The following AHR variants were observed in gnomAD, a reference collection of about 807,000 sequenced individuals.
AHR encodes the protein AH-receptor.
AHR carries 40 observed loss-of-function variants against 86.8 expected under a neutral mutation model. The observed-to-expected ratio is 0.46, with a 90% CI of 0.36 to 0.60. The LOEUF is 0.60. AHR is among the 20% of genes least tolerant of loss of function. AHR has a pLI of 0.00. For missense variants in AHR, 1,001 were observed against 1,011.6 expected, an observed-to-expected ratio of 0.99 and a Z score of 0.14; for synonymous variants, 398 against 354.9, an observed-to-expected ratio of 1.12 and a Z score of -1.37.
chr7:17,309,284 G>A (rs1007603039), intron 1 of AHR, among the ~76,000 whole-genome samples: 12 of 152,104 alleles, frequency 7.9e-5, no homozygotes, highest in African/African-American at 2.2e-4. Flanking sequence ...AAAAGTTGCT[G>A]GTAATCACCA....
At chr7:17,301,164 A>G (rs1781951672) in intron 1 of AHR, among the ~76,000 whole-genome samples, 1 of 152,060 alleles carries the variant, frequency 6.6e-6, no homozygotes, top group Non-Finnish European at 1.5e-5. Flanking sequence ...AGCACCGTAT[A>G]TTGCTTCTAA....
rs901457645 is a variant in AHR at position 17,298,655 on chromosome 7, G to A, written c.-610G>A. ...GGTGCGCGCGGCGGCGGGAGGCAGT[G>A]GCTGGGGAGTCCCGTCGACGCTCTG... On this transcript the variant is annotated 5_prime_UTR_variant, in exon 1 of 11. Transcript: ENST00000242057. 1.2e-4 allele frequency: 47 copies of A among 394,070 alleles called. No homozygotes were observed. Among genetic ancestry groups the A allele is most frequent in the Non-Finnish European group, 2.0e-4 (44 of 223,722 alleles). 24.4% of individuals were successfully genotyped at this position (394,070 alleles called of 1,614,324 possible).
chr7:17,315,066 A>T (rs1782101787), intron 2 of AHR, among the ~76,000 whole-genome samples: 1 of 152,048 alleles, frequency 6.6e-6, no homozygotes, highest in African/African-American at 2.4e-5. Flanking sequence ...ATTCATGATA[A>T]CTTTCATAGC....
At chr7:17,319,154 C>G (rs183437198) in intron 2 of AHR, among the ~76,000 whole-genome samples, 1 of 152,160 alleles carries the variant, frequency 6.6e-6, no homozygotes. Context: ...ACTCAGTTAC[C>G]TCCTTAGGGG....
At chr7:17,302,183 T>A (rs1172516006) in intron 1 of AHR, among the ~76,000 whole-genome samples, 1 of 151,908 alleles carries the variant, frequency 6.6e-6, no homozygotes, top group Non-Finnish European at 1.5e-5. Context: ...GCACTGAATG[T>A]TGGCAAATAA....
chr7:17,321,394 G>A (rs1319061709), intron 2 of AHR, among the ~76,000 whole-genome samples: 2 of 151,706 alleles, frequency 1.3e-5, no homozygotes, highest in African/African-American at 4.8e-5. Flanking sequence ...CACATATTAG[G>A]AGACAGGCTC....
chr7:17,326,052 A>G (rs2115361561), intron 3 of AHR, among the ~76,000 whole-genome samples: 1 of 152,254 alleles, frequency 6.6e-6, no homozygotes. Flanking sequence ...TTGGAGCCAG[A>G]CTGAATTTAT....
At chr7:17,300,712 TA>T (rs1781946721) in intron 1 of AHR, among the ~76,000 whole-genome samples, 1 of 152,178 alleles carries the variant, frequency 6.6e-6, no homozygotes, top group Non-Finnish European at 1.5e-5. Context: ...TTTCTTATAT[TA>T]AAGTATGTTT....
At chr7:17,332,604 G>T (rs1409487530) in intron 6 of AHR, among the ~76,000 whole-genome samples, 2 of 151,852 alleles carry the variant, frequency 1.3e-5, no homozygotes, top group Non-Finnish European at 2.9e-5. Flanking sequence ...AAAGCTTATA[G>T]AATAAGGATA....
chr7:17,320,297 G>A (rs1049010876), intron 2 of AHR, among the ~76,000 whole-genome samples: 4 of 151,978 alleles, frequency 2.6e-5, no homozygotes, highest in African/African-American at 4.8e-5. Flanking sequence ...AATACTCCCA[G>A]TACAAGCCCA....
chr7:17,315,182 A>G (rs553676529), intron 2 of AHR, among the ~76,000 whole-genome samples: 5 of 152,170 alleles, frequency 3.3e-5, no homozygotes, highest in Admixed American at 6.6e-5. Context: ...TATTGAATGA[A>G]TATACAAATC....
chr7:17,330,715 C>A (rs1247962629), intron 5 of AHR, 41 bp from the exon 6 acceptor site: 1 of 1,512,404 alleles, frequency 6.6e-7, no homozygotes, highest in Non-Finnish European at 8.9e-7. Flanking sequence ...AATTTTACAG[C>A]AAAATGGAAA....
In AHR at chr7:17,334,232, T is replaced by G. The variant is rs960008625; in HGVS notation, c.908+118T>G. On this transcript the variant is annotated intron_variant, in intron 7 of 10. Coordinates refer to ENST00000242057, the MANE Select transcript of AHR (RefSeq NM_001621.5). Reference sequence around the variant, plus strand: ...TTGTTTATTATTAGATTGGCTATTATCGTACATTCTTCCAGTGTAGCCTTT... The same window carrying G: ...TTGTTTATTATTAGATTGGCTATTAGCGTACATTCTTCCAGTGTAGCCTTT... 4 of 862,472 alleles carry G rather than the reference T, an allele frequency of 4.6e-6. No individual in the cohort carries two copies. The African/African-American group carries it at 5.1e-5, about 11-fold the overall frequency. 53.4% of individuals were successfully genotyped at this position (862,472 alleles called of 1,614,324 possible). A position where few individuals can be genotyped will look rare whatever the true frequency, so the allele number is the denominator to read the frequency against.
chr7:17,339,185 A>C lies in AHR; in HGVS notation c.1360A>C (p.Ser454Arg). The change falls in exon 10 of 11, where the codon AGT becomes CGT. Residue 454 changes from serine to arginine, a missense_variant. By Grantham distance (110) the Ser-to-Arg change is moderately radical. Coordinates refer to ENST00000242057, the MANE Select transcript of AHR (RefSeq NM_001621.5). ...TCTAAGCAAGGACTCTCTCAATCCTAGTTCCCTCCTGGCTGCCATGATGCA... is the reference window on the plus strand; with the variant it reads ...TCTAAGCAAGGACTCTCTCAATCCTCGTTCCCTCCTGGCTGCCATGATGCA... ...STLSKDSLNP[S>R]SLLAAMMQQD... 6.2e-7 allele frequency: 1 copy of C among 1,614,180 alleles called. No individual in the cohort carries two copies. The highest frequency in any genetic ancestry group is 8.5e-7 in the Non-Finnish European group (1 of 1,180,020).
chr7:17,299,325 A>G lies in AHR; in HGVS notation c.61A>G (p.Lys21Glu). The change falls in exon 1 of 11, where the codon AAA becomes GAA. Residue 21 changes from lysine to glutamate, a missense_variant. By Grantham distance (56) the Lys-to-Glu change is moderately conservative. Around this residue, in one of 2 missense-constraint regions of AHR, gnomAD observed 394 missense variants for 468.5 expected, o/e 0.84. Coordinates refer to ENST00000242057, the MANE Select transcript of AHR (RefSeq NM_001621.5). ...ASRKRRKPVQ[K>E]TVKPIPAEGI... ...TCGCAAGCGGCGGAAGCCGGTGCAGAAAACGTGAGTGTCCCGAGCGCGTCC... is the reference window on the plus strand; with the variant it reads ...TCGCAAGCGGCGGAAGCCGGTGCAGGAAACGTGAGTGTCCCGAGCGCGTCC... 4.3e-6 allele frequency: 7 copies of G among 1,612,820 alleles called. No individual in the cohort carries two copies. The highest frequency in any genetic ancestry group is 5.9e-6 in the Non-Finnish European group (7 of 1,179,726).
In AHR at chr7:17,333,842, G is replaced by A; in HGVS notation, c.706-70G>A. The stretch of plus-strand genomic sequence containing the variant: ...GAACCCTAGAGGCAGCCATAATGGA[G>A]CCTTTTAAAAAGGCACTATTTTATA... On this transcript the variant is annotated intron_variant, in intron 6 of 10. Coordinates refer to ENST00000242057, the MANE Select transcript of AHR (RefSeq NM_001621.5). 10 of 1,277,424 alleles carry A rather than the reference G, an allele frequency of 7.8e-6. No homozygotes were observed. In the South Asian group the frequency reaches 1.3e-4, roughly 17 times the overall value. The allele number at this position is 1,277,424 out of a possible 1,614,324, so 79.1% of individuals were successfully genotyped here. A position where few individuals can be genotyped will look rare whatever the true frequency, so the allele number is the denominator to read the frequency against.
At chr7:17,312,748 A>G (rs534009108) in intron 2 of AHR, among the ~76,000 whole-genome samples, 5 of 152,204 alleles carry the variant, frequency 3.3e-5, no homozygotes, top group Non-Finnish European at 5.9e-5. Flanking sequence ...TGATTCCTTC[A>G]TCAACTACAT....
At chr7:17,321,967 C>G (rs1345213133) in intron 2 of AHR, among the ~76,000 whole-genome samples, 8 of 151,990 alleles carry the variant, frequency 5.3e-5, no homozygotes, top group Admixed American at 5.3e-4. Flanking sequence ...CAGTAATTAA[C>G]AGTTTTTACC....
chr7:17,300,148 C>A (rs1781940042), intron 1 of AHR, among the ~76,000 whole-genome samples: 1 of 152,116 alleles, frequency 6.6e-6, no homozygotes, highest in African/African-American at 2.4e-5. Context: ...TACAAACTTG[C>A]TTTTGTCGTT....
Sources: gnomAD v4.1 joint callset for allele counts (sites outside exome capture counted in the v4.1 genomes callset) on GRCh38, gnomAD v4.1.1 for gene constraint, gnomAD v4.1.1 regional missense constraint, MANE v1.5 for transcripts, NCBI Gene and HGNC (gene_info 2026-07-23, HGNC 2026-07-21) for gene names.